Variants in ITGA8 observed in about 807,000 individuals in gnomAD.
ITGA8 encodes integrin alpha-8.
Under a neutral mutation model 142.3 loss-of-function variants are expected in ITGA8, and 91 were observed. The observed-to-expected ratio is 0.64, with a 90% CI of 0.54 to 0.76. The LOEUF (loss-of-function observed/expected upper bound fraction) is 0.76. Among genes scored for constraint, ITGA8 ranks in the 30% least tolerant of loss-of-function variants. The pLI is 0.00. For synonymous variants in ITGA8, 505 were observed against 485.2 expected (o/e 1.04, Z -0.54); for missense variants, 1,406 against 1,327.7 (o/e 1.06, Z -0.92).
chr10:15,627,908 A>G (rs1055721374), intron 13 of ITGA8, among the ~76,000 whole-genome samples: 2 of 152,004 alleles, frequency 1.3e-5, no homozygotes, highest in Admixed American at 6.5e-5. Flanking sequence ...CCTTGCTGAT[A>G]AAACAGGATG....
intron 6 of ITGA8, among the ~76,000 whole-genome samples, chr10:15,677,156 T>C (rs1398258132): frequency 1.3e-5 from 2 of 152,200 alleles, no homozygotes; most frequent in Admixed American, 6.5e-5. Context: ...GATTCAGGTA[T>C]AGCCAGAGAT....
intron 27 of ITGA8, among the ~76,000 whole-genome samples, chr10:15,535,048 G>GA (rs1443651644): frequency 6.6e-6 from 1 of 152,200 alleles, no homozygotes; most frequent in Non-Finnish European, 1.5e-5. Flanking sequence ...TTCCGCGGGT[G>GA]AGTGTGGGCT....
At chr10:15,584,206 A>G (rs1172086808) in intron 23 of ITGA8, among the ~76,000 whole-genome samples, 1 of 152,154 alleles carries the variant, frequency 6.6e-6, no homozygotes, top group African/African-American at 2.4e-5. Flanking sequence ...CTGAGGTAGG[A>G]GAATCACTCG....
At chr10:15,598,175 T>G (rs1307111219) in intron 20 of ITGA8, among the ~76,000 whole-genome samples, 1 of 152,174 alleles carries the variant, frequency 6.6e-6, no homozygotes, top group Non-Finnish European at 1.5e-5. Context: ...GCCATCGATA[T>G]ATTATCCATC....
At chr10:15,717,473 A>G (rs1174655784) in intron 2 of ITGA8, among the ~76,000 whole-genome samples, 1 of 152,218 alleles carries the variant, frequency 6.6e-6, no homozygotes. Context: ...AAGTCTTGAT[A>G]AAATAACTAA....
chr10:15,628,569 T>C (rs1833629696), intron 13 of ITGA8, among the ~76,000 whole-genome samples: 1 of 151,772 alleles, frequency 6.6e-6, no homozygotes, highest in Admixed American at 6.6e-5. Flanking sequence ...CCTGACCTCA[T>C]GATCTGCTCG....
In ITGA8 at chr10:15,580,126, TAAA is replaced by T. The variant is rs35286236; in HGVS notation, c.2373-4535_2373-4533del. Among the ~76,000 whole-genome samples the T allele has an allele frequency of 7.6e-3, 830 of 108,884 alleles. 8 individuals are homozygous for T. Among genetic ancestry groups the T allele is most frequent in the African/African-American group, 0.02 (555 of 28,078 alleles). 71.4% of individuals were successfully genotyped at this position (108,884 alleles called of 152,430 possible). On this transcript the variant is annotated intron_variant, in intron 23 of 29. Transcript: ENST00000378076. ...CTCTAGCCAGACTGATCAGAAAATG[TAAA>T]AAAAAAAAAAAAAAAAAAGAGAAAA...
At chr10:15,669,237 TA>T (rs1834460121) in intron 8 of ITGA8, among the ~76,000 whole-genome samples, 2 of 152,344 alleles carry the variant, frequency 1.3e-5, no homozygotes, top group African/African-American at 4.8e-5. Flanking sequence ...CTTTTTTCTC[TA>T]AACTTCTCTT....
intron 11 of ITGA8, among the ~76,000 whole-genome samples, chr10:15,649,576 C>G (rs1252412867): frequency 7.0e-6 from 1 of 142,170 alleles, no homozygotes; most frequent in African/African-American, 2.6e-5. Context: ...TGCAGTGGGC[C>G]GAGATCGCAC....
intron 11 of ITGA8, among the ~76,000 whole-genome samples, chr10:15,654,666 C>T (rs1046252732): frequency 2.6e-5 from 4 of 152,188 alleles, no homozygotes; most frequent in Admixed American, 2.6e-4. Flanking sequence ...CCACATCTGT[C>T]TTATTCACCT....
intron 2 of ITGA8, among the ~76,000 whole-genome samples, chr10:15,691,459 T>A (rs1020891653): frequency 1.3e-5 from 2 of 152,194 alleles, no homozygotes; most frequent in African/African-American, 4.8e-5. Context: ...CTTCAACGGA[T>A]GAATAAAGAA....
intron 13 of ITGA8, among the ~76,000 whole-genome samples, chr10:15,640,267 C>A (rs950381863): frequency 1.3e-5 from 2 of 152,186 alleles, no homozygotes; most frequent in African/African-American, 2.4e-5. Context: ...TCCTCATAGA[C>A]AAGGAATGGA....
At chr10:15,668,170 C>A (rs1384972425) in intron 8 of ITGA8, among the ~76,000 whole-genome samples, 1 of 152,138 alleles carries the variant, frequency 6.6e-6, no homozygotes, top group East Asian at 1.9e-4. Context: ...CTTTGTAGGT[C>A]ACTAAGGACT....
chr10:15,558,965 C>A (rs186762314), intron 25 of ITGA8, among the ~76,000 whole-genome samples: 9 of 152,258 alleles, frequency 5.9e-5, no homozygotes, highest in Admixed American at 5.2e-4. Flanking sequence ...ATTTTCTGTT[C>A]CCCACTCCCA....
At chr10:15,602,603 T>C (rs1192136233) in intron 20 of ITGA8, among the ~76,000 whole-genome samples, 2 of 152,024 alleles carry the variant, frequency 1.3e-5, no homozygotes, top group Non-Finnish European at 1.5e-5. Context: ...CCAGGCATGG[T>C]GGTGCACACC....
intron 26 of ITGA8, among the ~76,000 whole-genome samples, chr10:15,554,718 C>CCTTTCTTT (rs140932453): frequency 1.9e-3 from 276 of 149,058 alleles, no homozygotes; most frequent in South Asian, 5.2e-3. Context: ...CTTTGCAAAT[C>CCTTTCTTT]CTTTCTTTCT....
At position 15,672,648 on chromosome 10, in the gene ITGA8, C is replaced by T; in HGVS notation, c.778G>A (p.Ala260Thr). Residue 260 changes from alanine to threonine, a missense_variant, in exon 7 of 30, where the codon GCT becomes ACT. Ala to Thr is a moderately conservative substitution (Grantham distance 58). Coordinates refer to ENST00000378076, the MANE Select transcript of ITGA8 (RefSeq NM_003638.3). Reference sequence around the variant, plus strand: ...CCAAGGTAACTGTCATCATAGGAAGCTGGAGCCACTTCCGTCTGCTTTTCT... The same window carrying T: ...CCAAGGTAACTGTCATCATAGGAAGTTGGAGCCACTTCCGTCTGCTTTTCT... The part of the protein sequence containing the change: ...AGEKQTEVAP[A>T]SYDDSYLGYS... 2.5e-6 allele frequency: 4 copies of T among 1,613,554 alleles called. No individual in the cohort carries two copies. The highest frequency in any genetic ancestry group is 3.4e-6 in the Non-Finnish European group (4 of 1,179,718).
chr10:15,703,568 G>C (rs769767182), intron 2 of ITGA8, among the ~76,000 whole-genome samples: 14 of 152,280 alleles, frequency 9.2e-5, no homozygotes, highest in Non-Finnish European at 1.9e-4. Context: ...AGTTATCTGT[G>C]CCAGATCAGA....
intron 11 of ITGA8, among the ~76,000 whole-genome samples, chr10:15,648,023 C>A (rs1197685747): frequency 6.6e-6 from 1 of 151,968 alleles, no homozygotes; most frequent in East Asian, 1.9e-4. Flanking sequence ...ATATAACCAC[C>A]TGGAGAAAAA....
Sources: allele counts gnomAD v4.1 joint callset (sites outside exome capture counted in the v4.1 genomes callset), GRCh38; gene constraint gnomAD v4.1.1; transcripts MANE v1.5; gene names NCBI Gene and HGNC (gene_info 2026-07-23, HGNC 2026-07-21).